Variants in RABGAP1L observed in about 807,000 individuals in gnomAD.
RABGAP1L encodes rab GTPase-activating protein 1-like.
In RABGAP1L, 63 loss-of-function variants were observed where a neutral mutation model predicts 137.7. The observed-to-expected ratio is 0.46, with a 90% CI of 0.37 to 0.56. The LOEUF (loss-of-function observed/expected upper bound fraction) is 0.56, where lower values mean the gene tolerates loss of function less well. Among genes scored for constraint, RABGAP1L ranks in the 20% least tolerant of loss-of-function variants. The pLI is 0.00. For synonymous variants in RABGAP1L, 431 were observed against 433.7 expected, an observed-to-expected ratio of 0.99 and a Z score of 0.08; for missense variants, 1,095 against 1,244.0, an observed-to-expected ratio of 0.88 and a Z score of 1.80.
chr1:174,627,244 A>G (rs972837487), intron 13 of RABGAP1L, among the ~76,000 whole-genome samples: 1 of 152,216 alleles, frequency 6.6e-6, no homozygotes, highest in African/African-American at 2.4e-5. Context: ...CTAAGGTTAC[A>G]TTTGAAAACA....
At chr1:174,406,996 A>G (rs1016719529) in intron 13 of RABGAP1L, among the ~76,000 whole-genome samples, 9 of 152,120 alleles carry the variant, frequency 5.9e-5, no homozygotes, top group African/African-American at 2.2e-4. Flanking sequence ...TATTTCTAGA[A>G]CATATTTAAT....
intron 19 of RABGAP1L, among the ~76,000 whole-genome samples, chr1:174,928,705 A>G (rs1663228452): frequency 6.6e-6 from 1 of 151,902 alleles, no homozygotes; most frequent in Non-Finnish European, 1.5e-5. Context: ...TTCTCTCTTT[A>G]TGAAGAAGCT....
chr1:174,328,838 A>G (rs1680773319), intron 11 of RABGAP1L, among the ~76,000 whole-genome samples: 1 of 152,110 alleles, frequency 6.6e-6, no homozygotes. Flanking sequence ...CAAAATAGCA[A>G]AAGCAGTCCT....
rs143425874 is a variant in RABGAP1L, at chr1:174,761,646, C to T, written c.2211+9292C>T. Reference sequence around the variant, plus strand: ...TCCCAGACGGAGACAGTGTGGGGGCCGGACAAGGGCCGAACAGAGGCATTC... The same window carrying T: ...TCCCAGACGGAGACAGTGTGGGGGCTGGACAAGGGCCGAACAGAGGCATTC... On this transcript the variant is annotated intron_variant, in intron 18 of 25. Transcript: ENST00000681986. The surrounding 1 kb of genome is among the most constrained non-coding windows in gnomAD (Gnocchi z 4.0). Among the ~76,000 whole-genome samples the T allele has an allele frequency of 5.4e-4, 82 of 152,192 alleles. No homozygotes were observed. The highest frequency in any genetic ancestry group is 2.0e-3 in the African/African-American group (82 of 41,530).
At chr1:174,856,846 G>A (rs549870503) in intron 19 of RABGAP1L, among the ~76,000 whole-genome samples, 143 of 151,836 alleles carry the variant, frequency 9.4e-4, no homozygotes, top group African/African-American at 3.0e-3. Context: ...AGAATCACTT[G>A]AACCTGGGAG....
chr1:174,951,083 CT>C (rs1398088400), intron 19 of RABGAP1L, among the ~76,000 whole-genome samples: 1 of 152,220 alleles, frequency 6.6e-6, no homozygotes, highest in African/African-American at 2.4e-5. Context: ...CATGAAAATC[CT>C]CCTCACTGAG....
rs202232006 is a variant in RABGAP1L at position 174,550,995 on chromosome 1, T to TAC, written c.1711-86376_1711-86375dup. Among the ~76,000 whole-genome samples the TAC allele has an allele frequency of 4.7e-3, 300 of 64,408 alleles. 8 individuals are homozygous for TAC. The highest frequency in any genetic ancestry group is 0.026 in the African/African-American group (142 of 5,486). The allele number at this position is 64,408 out of a possible 152,430, so 42.3% of individuals were successfully genotyped here. On this transcript the variant is annotated intron_variant, in intron 13 of 25. Coordinates refer to ENST00000681986, the MANE Select transcript of RABGAP1L (RefSeq NM_001366446.1). Reference sequence around the variant, plus strand: ...ACATGTATATATACATATATATATATACACATATATATATATATATATATA... The same window carrying TAC: ...ACATGTATATATACATATATATATATACACACATATATATATATATATATATA...
intron 13 of RABGAP1L, among the ~76,000 whole-genome samples, chr1:174,598,039 A>G (rs545652626): frequency 2.6e-5 from 4 of 152,246 alleles, no homozygotes; most frequent in Non-Finnish European, 5.9e-5. Flanking sequence ...CAGGTTTTAA[A>G]AACATTTTAG....
chr1:174,766,289 C>T (rs1353366705), intron 18 of RABGAP1L, among the ~76,000 whole-genome samples: 2 of 152,238 alleles, frequency 1.3e-5, no homozygotes, highest in African/African-American at 2.4e-5. Context: ...GCATACCATA[C>T]ACTAGGGGTA....
chr1:174,419,932 A>G (rs968480438), intron 13 of RABGAP1L, among the ~76,000 whole-genome samples: 1 of 152,176 alleles, frequency 6.6e-6, no homozygotes, highest in South Asian at 2.1e-4. Flanking sequence ...GTATAGAGGC[A>G]TTTAAATTTT....
chr1:174,706,665 C>T (rs1680074383), intron 17 of RABGAP1L, among the ~76,000 whole-genome samples: 2 of 152,050 alleles, frequency 1.3e-5, no homozygotes, highest in South Asian at 4.1e-4. Flanking sequence ...GTAACCAGCA[C>T]CCAGATTTAA....
chr1:174,696,888 G>T (rs1679300870), intron 15 of RABGAP1L, among the ~76,000 whole-genome samples: 1 of 152,180 alleles, frequency 6.6e-6, no homozygotes, highest in Admixed American at 6.5e-5. Context: ...GTGGATAGTT[G>T]TTCAATTTGG....
intron 18 of RABGAP1L, among the ~76,000 whole-genome samples, chr1:174,758,253 C>A (rs1432360840): frequency 6.6e-6 from 1 of 151,596 alleles, no homozygotes; most frequent in African/African-American, 2.4e-5. Flanking sequence ...TCTTTTATCT[C>A]CCCCTCTGCT....
chr1:174,397,499 G>C (rs1029198734), intron 13 of RABGAP1L, among the ~76,000 whole-genome samples: 3 of 152,150 alleles, frequency 2.0e-5, no homozygotes, highest in Non-Finnish European at 4.4e-5. Flanking sequence ...CACCTAAAGA[G>C]CTGGAAGGGC....
intron 11 of RABGAP1L, among the ~76,000 whole-genome samples, chr1:174,364,465 G>A (rs973101474): frequency 3.3e-4 from 49 of 150,358 alleles, no homozygotes; most frequent in African/African-American, 1.1e-3. Context: ...CGTTTTAGCC[G>A]GGATGGTCTC....
At chr1:174,497,902 CTGACAG>C (rs1471952405) in intron 13 of RABGAP1L, among the ~76,000 whole-genome samples, 2 of 144,830 alleles carry the variant, frequency 1.4e-5, no homozygotes, top group African/African-American at 2.9e-5. Context: ...ATTAGTAGCT[CTGACAG>C]TGACTGTCTT....
At chr1:174,497,117 A>T (rs1345089799) in intron 13 of RABGAP1L, among the ~76,000 whole-genome samples, 3 of 152,162 alleles carry the variant, frequency 2.0e-5, no homozygotes, top group Non-Finnish European at 4.4e-5. Context: ...CAACATACAC[A>T]AGTTTCTATA....
chr1:174,396,343 TCACA>T (rs1445394646), intron 13 of RABGAP1L, among the ~76,000 whole-genome samples: 1 of 152,104 alleles, frequency 6.6e-6, no homozygotes, highest in Non-Finnish European at 1.5e-5. Context: ...TAGAAAAATT[TCACA>T]CACACAAAAA....
chr1:174,300,200 TGGACACTTCA>T (rs1176347764), intron 10 of RABGAP1L, among the ~76,000 whole-genome samples: 1 of 152,178 alleles, frequency 6.6e-6, no homozygotes, highest in African/African-American at 2.4e-5. Flanking sequence ...TCTCTTTTTC[TGGACACTTCA>T]GGGTCCCCTG....
Sources: allele counts gnomAD v4.1 joint callset (sites outside exome capture counted in the v4.1 genomes callset), GRCh38; gene constraint gnomAD v4.1.1; non-coding constraint Gnocchi (gnomAD v3.1); transcripts MANE v1.5; gene names NCBI Gene and HGNC (gene_info 2026-07-23, HGNC 2026-07-21).